Variants in ZNF536 observed in about 807,000 individuals in gnomAD.
ZNF536 encodes the protein zinc finger protein 536.
In ZNF536, 13 loss-of-function variants were observed where a neutral mutation model predicts 84.5. The ratio of observed to expected loss-of-function variants is 0.15; its 90% CI spans 0.10 to 0.24. ZNF536 has a LOEUF of 0.24. Ranked by LOEUF, ZNF536 falls within the 10% of genes least tolerant of loss-of-function variation. ZNF536 has a pLI of 1.00. For synonymous variants in ZNF536, 811 were observed against 742.5 expected (o/e 1.09, Z -1.50); for missense variants, 1,536 against 1,747.5 (o/e 0.88, Z 2.16).
rs553651239 is a variant in ZNF536, at chr19:30,536,155, G to T, written c.2323+1156G>T. ...TCTCCCAAAAGGCCTCATGCGACCT[G>T]CCCATGCCTTGCCCCGGCCCCATCC... On this transcript the variant is annotated intron_variant, in intron 3 of 4. Transcript: ENST00000355537. 1.3e-3 allele frequency among the ~76,000 whole-genome samples: 197 copies of T among 152,262 alleles called. 1 individual carries two copies. The highest frequency in any genetic ancestry group is 2.3e-3 in the Non-Finnish European group (156 of 68,020).
chr19:30,596,273 A>G (rs2047460468), intron 1 of ZNF536, among the ~76,000 whole-genome samples: 2 of 151,680 alleles, frequency 1.3e-5, no homozygotes, highest in African/African-American at 2.4e-5. Context: ...AGGGGAAAAA[A>G]AAAGAAAATG....
intron 2 of ZNF536, among the ~76,000 whole-genome samples, chr19:30,326,774 A>AT (rs976720158): frequency 5.2e-4 from 13 of 25,070 alleles, no homozygotes; most frequent in Admixed American, 3.0e-3. Context: ...TAACTGGGAG[A>AT]TTTTTTTTAT....
chr19:30,539,769 A>G (rs2045253847), intron 3 of ZNF536, among the ~76,000 whole-genome samples: 1 of 152,176 alleles, frequency 6.6e-6, no homozygotes, highest in African/African-American at 2.4e-5. Flanking sequence ...AGATGCTGAC[A>G]GGTCCCTGAA....
intron 2 of ZNF536, among the ~76,000 whole-genome samples, chr19:30,294,521 T>C (rs1251478812): frequency 6.6e-6 from 1 of 151,376 alleles, no homozygotes; most frequent in East Asian, 2.0e-4. Context: ...ATTCACCAAA[T>C]TTCTGTTTCT....
At chr19:30,512,424 C>T (rs1418965691) in intron 2 of ZNF536, among the ~76,000 whole-genome samples, 5 of 152,056 alleles carry the variant, frequency 3.3e-5, no homozygotes, top group Non-Finnish European at 7.4e-5. Flanking sequence ...TACTCTGAAG[C>T]CTTATATGTA....
intron 1 of ZNF536, among the ~76,000 whole-genome samples, chr19:30,253,371 AG>A (rs1402122856): frequency 6.6e-6 from 1 of 152,172 alleles, no homozygotes; most frequent in Non-Finnish European, 1.5e-5. Flanking sequence ...AGAAAATTTA[AG>A]GTTTTTTTTG....
At chr19:30,344,654 G>A (rs1050026063) in intron 2 of ZNF536, among the ~76,000 whole-genome samples, 1 of 146,614 alleles carries the variant, frequency 6.8e-6, no homozygotes, top group African/African-American at 2.6e-5. Flanking sequence ...CCTCGCTTGG[G>A]CTGGAGCAGA....
chr19:30,285,184 C>T (rs1474174336), intron 2 of ZNF536, among the ~76,000 whole-genome samples: 44 of 152,310 alleles, frequency 2.9e-4, no homozygotes, highest in Non-Finnish European at 1.3e-4. Flanking sequence ...TCCGATCTAC[C>T]AAATTCATAG....
intron 1 of ZNF536, among the ~76,000 whole-genome samples, chr19:30,682,396 G>A (rs1046856577): frequency 2.0e-5 from 3 of 152,132 alleles, no homozygotes; most frequent in African/African-American, 4.8e-5. Flanking sequence ...TGTGCTGGTC[G>A]CGCGTGCACA....
At chr19:30,285,943 C>T (rs770078418) in intron 2 of ZNF536, among the ~76,000 whole-genome samples, 3 of 152,170 alleles carry the variant, frequency 2.0e-5, no homozygotes, top group Non-Finnish European at 2.9e-5. Context: ...TTTGGCATGT[C>T]GGGGAATTCC....
chr19:30,570,102 A>C (rs1183006916), intron 1 of ZNF536, among the ~76,000 whole-genome samples: 2 of 152,182 alleles, frequency 1.3e-5, no homozygotes, highest in African/African-American at 4.8e-5. Context: ...CAGTAGCAAT[A>C]GTGCCAAGGT....
chr19:30,521,354 T>A (rs554051754), intron 2 of ZNF536, among the ~76,000 whole-genome samples: 1 of 152,328 alleles, frequency 6.6e-6, no homozygotes, highest in South Asian at 2.1e-4. Flanking sequence ...GGGCTGCTAT[T>A]CTTGCCTGCT....
intron 1 of ZNF536, among the ~76,000 whole-genome samples, chr19:30,277,341 G>C (rs1318831834): frequency 6.6e-6 from 1 of 152,128 alleles, no homozygotes; most frequent in East Asian, 1.9e-4. Context: ...CAGGCGAGCT[G>C]ATGAGAGGAA....
chr19:30,397,885 A>C lies in ZNF536; in HGVS notation c.-3+25329A>C, dbSNP rs541486064. ...AAAGAGAGAATACCCTAACAGAAAG[A>C]ATGACTGATTGGCAAATTTAAGAGC... On this transcript the variant is annotated intron_variant, in intron 1 of 4. Coordinates refer to ENST00000355537, the MANE Select transcript of ZNF536 (RefSeq NM_014717.3). 3.3e-5 allele frequency among the ~76,000 whole-genome samples: 5 copies of C among 152,340 alleles called. No homozygotes were observed. In the South Asian group the frequency reaches 1.0e-3, roughly 32 times the overall value.
At chr19:30,667,110 A>C (rs974820122) in intron 1 of ZNF536, among the ~76,000 whole-genome samples, 1 of 152,144 alleles carries the variant, frequency 6.6e-6, no homozygotes, top group South Asian at 2.1e-4. Context: ...CCTCTTGTCT[A>C]AACTAACCTC....
intron 1 of ZNF536, among the ~76,000 whole-genome samples, chr19:30,233,357 C>CT (rs1415074871): frequency 1.4e-5 from 2 of 140,956 alleles, no homozygotes; most frequent in African/African-American, 5.4e-5. Context: ...TTTTTTTTAA[C>CT]TTTAAGAGAT....
intron 2 of ZNF536, among the ~76,000 whole-genome samples, chr19:30,453,913 T>A (rs138849209): frequency 6.6e-6 from 1 of 152,346 alleles, no homozygotes; most frequent in East Asian, 1.9e-4. Context: ...ATGTGGCATG[T>A]GTCTGGGAGA....
chr19:30,340,718 T>C (rs1297665427), intron 2 of ZNF536, among the ~76,000 whole-genome samples: 2 of 152,172 alleles, frequency 1.3e-5, no homozygotes, highest in East Asian at 3.8e-4. Context: ...TTGCTGTCTA[T>C]TTTTAACTTG....
At chr19:30,528,007 C>T (rs773307663) in intron 2 of ZNF536, among the ~76,000 whole-genome samples, 4 of 152,126 alleles carry the variant, frequency 2.6e-5, no homozygotes, top group Admixed American at 6.5e-5. Flanking sequence ...GATTTTGAGA[C>T]GTTCTTTGCA....
Sources: allele counts gnomAD v4.1 joint callset (sites outside exome capture counted in the v4.1 genomes callset), GRCh38; gene constraint gnomAD v4.1.1; transcripts MANE v1.5; gene names NCBI Gene and HGNC (gene_info 2026-07-23, HGNC 2026-07-21).